Variants in CBL observed in about 807,000 individuals in gnomAD.
CBL encodes Cbl proto-oncogene.
A neutral mutation model predicts 96.9 loss-of-function variants in CBL; 45 were observed. That is an observed-to-expected ratio of 0.46 (90% confidence interval 0.37 to 0.60). The LOEUF (loss-of-function observed/expected upper bound fraction) is 0.60, where lower values mean the gene tolerates loss of function less well. Among genes scored for constraint, CBL ranks in the 20% least tolerant of loss-of-function variants. The pLI is 0.00. For missense variants in CBL, 1,024 were observed against 1,143.5 expected (o/e 0.90, Z 1.51); for synonymous variants, 420 against 426.8 (o/e 0.98, Z 0.20).
chr11:119,250,345 G>T (rs900082033), intron 2 of CBL, among the ~76,000 whole-genome samples: 4 of 152,046 alleles, frequency 2.6e-5, no homozygotes, highest in Admixed American at 2.0e-4. Flanking sequence ...CTAGCTTCAG[G>T]TATTTTCCTG....
intron 12 of CBL, among the ~76,000 whole-genome samples, chr11:119,288,607 A>G (rs771279486): frequency 3.3e-5 from 5 of 152,134 alleles, no homozygotes; most frequent in Admixed American, 6.5e-5. Context: ...CCATCTCCAA[A>G]TACAGCCACC....
rs534426893 is a variant in CBL at position 119,307,147 on chromosome 11, C to T, written c.*7366C>T. 175 of 232,046 alleles carry T rather than the reference C, an allele frequency of 7.5e-4. No individual in the cohort carries two copies. Among genetic ancestry groups the T allele is most frequent in the African/African-American group, 1.5e-3 (66 of 45,322 alleles). 14.4% of individuals were successfully genotyped at this position (232,046 alleles called of 1,614,324 possible). ...TGCAGTGTGTCTGGAGTCCCTTTCC[C>T]CTGCTGTGAGACTTCAGTGGAGGAG... On this transcript the variant is annotated 3_prime_UTR_variant, in exon 16 of 16. Transcript: ENST00000264033.
At chr11:119,234,120 T>C (rs532398140) in intron 2 of CBL, among the ~76,000 whole-genome samples, 107 of 152,228 alleles carry the variant, frequency 7.0e-4, no homozygotes, top group African/African-American at 2.6e-3. Flanking sequence ...GATTCTTCTG[T>C]CTCAGCCTCC....
At position 119,285,338 on chromosome 11, in the gene CBL, C is replaced by T. The variant is rs1446000488; in HGVS notation, c.1713C>T (p.Asp571=). 1 of 1,614,110 alleles carries T rather than the reference C, an allele frequency of 6.2e-7. No homozygotes were observed. The highest frequency in any genetic ancestry group is 8.5e-7 in the Non-Finnish European group (1 of 1,180,054). The change falls in exon 11 of 16, where the codon GAC becomes GAT. Residue 571 remains aspartate (D), a synonymous_variant. Coordinates refer to ENST00000264033, the MANE Select transcript of CBL (RefSeq NM_005188.4). ...GCCCCTTGCCTTGTACACCAGGCGA[C>T]TGTCCCTCCAGAGACAAACTGCCCC... ...QRRPLPCTPG[D]CPSRDKLPPV...
At position 119,307,876 on chromosome 11, in the gene CBL, A is replaced by G. The variant is rs1402892773; in HGVS notation, c.*8095A>G. The G allele has an allele frequency of 5.0e-6, 1 of 201,958 alleles. No homozygotes were observed. The highest frequency in any genetic ancestry group is 1.0e-5 in the Non-Finnish European group (1 of 98,070). 12.5% of individuals were successfully genotyped at this position (201,958 alleles called of 1,614,324 possible). ...TAAAAATGTGTCATTAATATAAAAAATTTATATTAGCAGTATTTAATCATT... is the reference window on the plus strand; with the variant it reads ...TAAAAATGTGTCATTAATATAAAAAGTTTATATTAGCAGTATTTAATCATT... On this transcript the variant is annotated 3_prime_UTR_variant, in exon 16 of 16. Transcript: ENST00000264033.
intron 1 of CBL, among the ~76,000 whole-genome samples, chr11:119,212,298 C>T (rs1049392088): frequency 3.3e-5 from 5 of 151,912 alleles, no homozygotes; most frequent in African/African-American, 9.7e-5. Context: ...AAATCATGAG[C>T]TTAAAAAAAA....
At chr11:119,273,827 C>G in intron 3 of CBL, 41 bp from the exon 4 acceptor site, 1 of 1,575,634 alleles carries the variant, frequency 6.3e-7, no homozygotes, top group Non-Finnish European at 8.7e-7. Flanking sequence ...GGAATTATCT[C>G]TGTTATTTCA....
At chr11:119,280,479 A>AG (rs1949924580) in intron 9 of CBL, among the ~76,000 whole-genome samples, 3 of 152,134 alleles carry the variant, frequency 2.0e-5, no homozygotes, top group Non-Finnish European at 4.4e-5. Context: ...TCACTCTTGA[A>AG]GGTATGGAAA....
rs369539005 is a variant in CBL, at chr11:119,278,764, A to G, written c.1431+51A>G. The G allele has an allele frequency of 5.0e-4, 715 of 1,425,742 alleles. 7 individuals are homozygous for G. The highest frequency in any genetic ancestry group is 2.1e-4 in the Middle Eastern group (1 of 4,814). The allele number at this position is 1,425,742 out of a possible 1,614,324, so 88.3% of individuals were successfully genotyped here. The stretch of plus-strand genomic sequence containing the variant: ...CAAAATCCATTGTGAGTTGTCTTCT[A>G]AAGCCGTAAAACACTTAACGATATC... On this transcript the variant is annotated intron_variant, in intron 9 of 15. Coordinates refer to ENST00000264033, the MANE Select transcript of CBL (RefSeq NM_005188.4).
chr11:119,272,104 T>C (rs537586071), intron 3 of CBL, among the ~76,000 whole-genome samples: 6 of 152,290 alleles, frequency 3.9e-5, no homozygotes, highest in African/African-American at 1.4e-4. Flanking sequence ...TTGAATACTC[T>C]TCCCTTTCTC....
At chr11:119,293,749 G>T (rs1565271008) in intron 12 of CBL, among the ~76,000 whole-genome samples, 1 of 152,108 alleles carries the variant, frequency 6.6e-6, no homozygotes, top group African/African-American at 2.4e-5. Context: ...AATCTATAAA[G>T]AAAAGAAGTT....
chr11:119,258,822 G>A (rs1238498542), intron 2 of CBL, among the ~76,000 whole-genome samples: 1 of 152,056 alleles, frequency 6.6e-6, no homozygotes, highest in Non-Finnish European at 1.5e-5. Context: ...AAAATGATGT[G>A]GGTATTTTGT....
At chr11:119,212,493 G>T (rs919029085) in intron 1 of CBL, among the ~76,000 whole-genome samples, 21 of 151,166 alleles carry the variant, frequency 1.4e-4, no homozygotes, top group African/African-American at 4.9e-4. Flanking sequence ...GGGTGTGGTG[G>T]TGCATCCCTA....
chr11:119,295,379 T>C (rs1035832931), intron 12 of CBL, among the ~76,000 whole-genome samples: 2 of 152,016 alleles, frequency 1.3e-5, no homozygotes, highest in African/African-American at 2.4e-5. Flanking sequence ...AAAGTACCCA[T>C]TCATTTCCCT....
chr11:119,231,570 T>C (rs1949501827), intron 1 of CBL, among the ~76,000 whole-genome samples: 1 of 151,642 alleles, frequency 6.6e-6, no homozygotes, highest in Admixed American at 6.6e-5. Context: ...TAGCCGGGCA[T>C]GGTGGTGCAT....
At chr11:119,219,883 T>A (rs1259604388) in intron 1 of CBL, among the ~76,000 whole-genome samples, 1 of 145,214 alleles carries the variant, frequency 6.9e-6, no homozygotes, top group East Asian at 2.0e-4. Flanking sequence ...GGAGTCTTGC[T>A]CTGTCACCCA....
chr11:119,306,694 T>A lies in CBL; in HGVS notation c.*6913T>A. The A allele has an allele frequency of 3.8e-6, 1 of 265,424 alleles. No individual in the cohort carries two copies. Among genetic ancestry groups the A allele is most frequent in the Non-Finnish European group, 7.1e-6 (1 of 139,874 alleles). The allele number at this position is 265,424 out of a possible 1,614,324, so 16.4% of individuals were successfully genotyped here. ...GTTGTCTTCCATGGCCTGTTTCTCCTGCTGTCTGGGTGAGTGAGCCTGCAA... is the reference window on the plus strand; with the variant it reads ...GTTGTCTTCCATGGCCTGTTTCTCCAGCTGTCTGGGTGAGTGAGCCTGCAA... On this transcript the variant is annotated 3_prime_UTR_variant, in exon 16 of 16. Transcript: ENST00000264033.
chr11:119,299,619 C>T lies in CBL; in HGVS notation c.2559C>T (p.Ala853=). The change falls in exon 16 of 16, where the codon GCC becomes GCT. Residue 853 remains alanine, a synonymous_variant. Coordinates refer to ENST00000264033, the MANE Select transcript of CBL (RefSeq NM_005188.4). ...GSGPAASAAT[A]SPQLSSEIEN... ...GTCCTGCCGCCTCTGCTGCCACCGC[C>T]TCACCTCAGCTCTCCAGTGAGATCG... The T allele has an allele frequency of 6.2e-7, 1 of 1,614,226 alleles. No homozygotes were observed. The highest frequency in any genetic ancestry group is 8.5e-7 in the Non-Finnish European group (1 of 1,180,040).
chr11:119,250,635 C>T (rs956015029), intron 2 of CBL, among the ~76,000 whole-genome samples: 3 of 152,118 alleles, frequency 2.0e-5, no homozygotes, highest in African/African-American at 4.8e-5. Context: ...GGTCCCTGTC[C>T]GCTATTGCCT....
Sources: gnomAD v4.1 joint callset for allele counts (sites outside exome capture counted in the v4.1 genomes callset) on GRCh38, gnomAD v4.1.1 for gene constraint, MANE v1.5 for transcripts, NCBI Gene and HGNC (gene_info 2026-07-23, HGNC 2026-07-21) for gene names.